UBE2E2: variants seen among roughly 807,000 people sequenced by gnomAD.
UBE2E2 encodes the protein ubiquitin-conjugating enzyme E2 E2.
A neutral mutation model predicts 24.7 loss-of-function variants in UBE2E2; 6 were observed. The ratio of observed to expected loss-of-function variants is 0.24; its 90% CI spans 0.13 to 0.48. The LOEUF is 0.48. Ranked by LOEUF, UBE2E2 falls within the 20% of genes least tolerant of loss-of-function variation. UBE2E2 has a pLI of 0.99. For missense variants in UBE2E2, 169 were observed against 245.0 expected (o/e 0.69, Z 2.07); for synonymous variants, 104 against 83.6 (o/e 1.24, Z -1.33).
chr3:23,312,811 A>G (rs1272575120), intron 3 of UBE2E2, among the ~76,000 whole-genome samples: 1 of 152,126 alleles, frequency 6.6e-6, no homozygotes. Context: ...ATTTGTTTCA[A>G]GAAAGTTTTC....
At chr3:23,332,674 GGTGTGTGTGTGTGTGTGT>G (rs3086989) in intron 3 of UBE2E2, among the ~76,000 whole-genome samples, 39 of 108,130 alleles carry the variant, frequency 3.6e-4, no homozygotes, top group South Asian at 1.4e-3. Context: ...CAGCCAGTGG[GGTGTGTGTGTGTGTGTGT>G]GTGTGTGTGT....
At chr3:23,491,877 C>G (rs1254821335) in intron 3 of UBE2E2, among the ~76,000 whole-genome samples, 2 of 152,044 alleles carry the variant, frequency 1.3e-5, no homozygotes, top group African/African-American at 4.8e-5. Context: ...AGAGCTGATG[C>G]GGCCAATAAT....
chr3:23,250,466 A>G (rs1188752141), intron 3 of UBE2E2, among the ~76,000 whole-genome samples: 1 of 152,154 alleles, frequency 6.6e-6, no homozygotes, highest in African/African-American at 2.4e-5. Context: ...CTCACTTCTA[A>G]CTTCATATCA....
chr3:23,403,780 C>T (rs1697287017), intron 3 of UBE2E2, among the ~76,000 whole-genome samples: 1 of 144,674 alleles, frequency 6.9e-6, no homozygotes, highest in Admixed American at 6.9e-5. Context: ...GCCGAGATTG[C>T]CTGGGCGACA....
At chr3:23,271,465 C>T (rs2884787) in intron 3 of UBE2E2, among the ~76,000 whole-genome samples, 51,045 of 151,956 alleles carry the variant, frequency 0.34, 8,793 homozygotes, top group South Asian at 0.4. Flanking sequence ...TAAGGGGACC[C>T]GAGTGGGTTG....
At chr3:23,247,583 A>G (rs1011926335) in intron 3 of UBE2E2, among the ~76,000 whole-genome samples, 3 of 151,974 alleles carry the variant, frequency 2.0e-5, no homozygotes, top group Non-Finnish European at 4.4e-5. Flanking sequence ...CAAACTCTCA[A>G]CCTCAGGTGA....
intron 5 of UBE2E2, among the ~76,000 whole-genome samples, chr3:23,564,969 G>T (rs1696031949): frequency 2.0e-5 from 3 of 152,144 alleles, no homozygotes; most frequent in Admixed American, 2.0e-4. Flanking sequence ...GCAGTTGTGT[G>T]CCAGACATTG....
chr3:23,351,717 C>T (rs1695756859), intron 3 of UBE2E2, among the ~76,000 whole-genome samples: 1 of 152,104 alleles, frequency 6.6e-6, no homozygotes, highest in South Asian at 2.1e-4. Context: ...AATACAGGAG[C>T]ACCCAGATTC....
At chr3:23,293,468 T>C (rs1698825144) in intron 3 of UBE2E2, among the ~76,000 whole-genome samples, 1 of 152,218 alleles carries the variant, frequency 6.6e-6, no homozygotes, top group African/African-American at 2.4e-5. Context: ...TAAATAGTTG[T>C]TTAATGTGTG....
chr3:23,543,436 A>G (rs551910554), intron 5 of UBE2E2, among the ~76,000 whole-genome samples: 5 of 152,284 alleles, frequency 3.3e-5, no homozygotes, highest in African/African-American at 1.2e-4. Context: ...TGAGAATCAA[A>G]TCATGAACTC....
chr3:23,466,499 C>A (rs536580442), intron 3 of UBE2E2, among the ~76,000 whole-genome samples: 8 of 152,174 alleles, frequency 5.3e-5, no homozygotes, highest in Non-Finnish European at 1.0e-4. Context: ...ATATTTTGTC[C>A]AGCTTCAAAA....
chr3:23,230,619 T>C (rs1258693667), intron 3 of UBE2E2, among the ~76,000 whole-genome samples: 1 of 151,910 alleles, frequency 6.6e-6, no homozygotes, highest in Admixed American at 6.6e-5. Context: ...ACCCCGTCTC[T>C]ACTAAAAATA....
intron 3 of UBE2E2, among the ~76,000 whole-genome samples, chr3:23,393,720 C>T (rs968280075): frequency 4.6e-5 from 7 of 151,432 alleles, no homozygotes; most frequent in South Asian, 2.1e-4. Context: ...CACATCTGGC[C>T]GACTACCTGT....
chr3:23,563,998 GA>G (rs1491134291), intron 5 of UBE2E2, among the ~76,000 whole-genome samples: 1 of 147,168 alleles, frequency 6.8e-6, no homozygotes, highest in African/African-American at 2.5e-5. Context: ...AAAAAGAAAA[GA>G]AAAGAGAAAG....
At chr3:23,338,303 A>G (rs948345260) in intron 3 of UBE2E2, among the ~76,000 whole-genome samples, 1 of 152,316 alleles carries the variant, frequency 6.6e-6, no homozygotes. Context: ...TGTGGTGGAT[A>G]TTAAGAGTTA....
chr3:23,477,793 G>A (rs551882711), intron 3 of UBE2E2, among the ~76,000 whole-genome samples: 9 of 152,286 alleles, frequency 5.9e-5, no homozygotes, highest in East Asian at 1.9e-4. Flanking sequence ...CGCCATAATC[G>A]ACACATGTCA....
chr3:23,438,913 A>G (rs1575629566), intron 3 of UBE2E2, among the ~76,000 whole-genome samples: 1 of 152,336 alleles, frequency 6.6e-6, no homozygotes, highest in East Asian at 1.9e-4. Flanking sequence ...GTATTCTGAT[A>G]AGGTTTGTGG....
At position 23,271,039 on chromosome 3, in the gene UBE2E2, A is replaced by G. The variant is rs563685881; in HGVS notation, c.227+53727A>G. 7.2e-5 allele frequency: 33 copies of G among 456,670 alleles called. 1 individual carries two copies. Among genetic ancestry groups the G allele is most frequent in the South Asian group, 4.3e-4 (28 of 64,548 alleles). 28.3% of individuals were successfully genotyped at this position (456,670 alleles called of 1,614,324 possible). ...TCATCTTACTTCTATTCATTTCTCA[A>G]TTAACTATGACTAACATACACTAGG... On this transcript the variant is annotated intron_variant, in intron 3 of 5. Transcript: ENST00000396703.
rs200287655 is a variant in UBE2E2, at chr3:23,584,179, G to GT, written c.509-5549dup. ...CTGCATCTGTTGAGATGATCACGTGGTTTTTTGTTTGCGTTGTTTATGCAA... is the reference window on the plus strand; with the variant it reads ...CTGCATCTGTTGAGATGATCACGTGGTTTTTTTGTTTGCGTTGTTTATGCAA... On this transcript the variant is annotated intron_variant, in intron 5 of 5. Transcript: ENST00000396703. Among the ~76,000 whole-genome samples, 589 of 152,258 alleles carry GT rather than the reference G, an allele frequency of 3.9e-3. 2 individuals are homozygous for GT. Among genetic ancestry groups the GT allele is most frequent in the African/African-American group, 0.013 (553 of 41,562 alleles).
Sources: gnomAD v4.1 joint callset for allele counts (sites outside exome capture counted in the v4.1 genomes callset) on GRCh38, gnomAD v4.1.1 for gene constraint, MANE v1.5 for transcripts, NCBI Gene and HGNC (gene_info 2026-07-23, HGNC 2026-07-21) for gene names.